PCDH15: variants seen among roughly 807,000 people sequenced by gnomAD.
PCDH15 encodes the protein protocadherin related 15, also known as protocadherin-15.
In PCDH15, 129 loss-of-function variants were observed where a neutral mutation model predicts 178.5. The observed-to-expected ratio is 0.72, with a 90% CI of 0.63 to 0.84. The LOEUF (loss-of-function observed/expected upper bound fraction) is 0.84. PCDH15 is among the 40% of genes least tolerant of loss of function. The pLI, the probability that PCDH15 is intolerant of heterozygous loss-of-function variation, is 0.00. For missense variants in PCDH15, 2,230 were observed against 2,099.9 expected, an observed-to-expected ratio of 1.06 and a Z score of -1.21; for synonymous variants, 800 against 732.0, an observed-to-expected ratio of 1.09 and a Z score of -1.50.
chr10:54,450,816 C>T (rs544866255), intron 3 of PCDH15, among the ~76,000 whole-genome samples: 1 of 151,834 alleles, frequency 6.6e-6, no homozygotes, highest in Non-Finnish European at 1.5e-5. Flanking sequence ...TACAAATGCT[C>T]TGTAAACAAA....
chr10:54,187,352 C>T (rs7914881), intron 11 of PCDH15, among the ~76,000 whole-genome samples: 108,984 of 151,760 alleles, frequency 0.72, 40,043 homozygotes, highest in East Asian at 0.98. Context: ...TCAAGTATTT[C>T]GATAATGCAA....
At chr10:55,407,347 A>G (rs1838223849) in intron 2 of PCDH15, among the ~76,000 whole-genome samples, 1 of 152,176 alleles carries the variant, frequency 6.6e-6, no homozygotes, top group African/African-American at 2.4e-5. Context: ...TGGTAGTGAC[A>G]GGGATAAAAA....
At chr10:54,498,390 T>TAC (rs1379213648) in intron 3 of PCDH15, among the ~76,000 whole-genome samples, 8 of 152,130 alleles carry the variant, frequency 5.3e-5, no homozygotes, top group African/African-American at 1.7e-4. Flanking sequence ...AAAGGAACTA[T>TAC]ACAATTCACT....
intron 7 of PCDH15, among the ~76,000 whole-genome samples, chr10:54,328,725 G>A (rs1256206127): frequency 1.3e-5 from 2 of 151,994 alleles, no homozygotes; most frequent in Middle Eastern, 3.4e-3. Context: ...CAGTTGTGAT[G>A]CTTATGGCCA....
At chr10:54,142,753 C>A (rs2043529166) in intron 14 of PCDH15, among the ~76,000 whole-genome samples, 1 of 151,766 alleles carries the variant, frequency 6.6e-6, no homozygotes, top group Non-Finnish European at 1.5e-5. Context: ...TACAAAGATA[C>A]AATTTTGTTT....
chr10:55,020,388 A>C (rs570555405), intron 2 of PCDH15, among the ~76,000 whole-genome samples: 106 of 152,070 alleles, frequency 7.0e-4, no homozygotes, highest in African/African-American at 2.4e-3. Context: ...GAATGCAAAA[A>C]AAAAAAGAAG....
intron 13 of PCDH15, among the ~76,000 whole-genome samples, chr10:54,161,387 C>T (rs1008214252): frequency 6.6e-6 from 1 of 152,074 alleles, no homozygotes; most frequent in African/African-American, 2.4e-5. Flanking sequence ...GGGGTGTCTA[C>T]AGCTGAAAAT....
chr10:55,119,495 T>C (rs1464071564), intron 2 of PCDH15, among the ~76,000 whole-genome samples: 1 of 122,612 alleles, frequency 8.2e-6, no homozygotes, highest in East Asian at 2.0e-4. Flanking sequence ...TTATCATTCA[T>C]ACAAAAAAAA....
chr10:54,776,512 T>G (rs1007643441), intron 1 of PCDH15, among the ~76,000 whole-genome samples: 1 of 152,088 alleles, frequency 6.6e-6, no homozygotes, highest in Non-Finnish European at 1.5e-5. Flanking sequence ...AGTTAAACAT[T>G]AGGGCAATGA....
At chr10:54,048,494 T>C (rs980569413) in intron 18 of PCDH15, among the ~76,000 whole-genome samples, 4 of 152,206 alleles carry the variant, frequency 2.6e-5, no homozygotes, top group Non-Finnish European at 5.9e-5. Flanking sequence ...TCCAGAATGA[T>C]ATTTCCTAGG....
chr10:54,528,321 G>A lies in PCDH15; in HGVS notation c.92-444C>T, dbSNP rs11004349. ...TAGAATTTTAATAATGTTCTAAAGA[G>A]AATAAAACAAAGACAGACAAGCAAT... On this transcript the variant is annotated intron_variant, in intron 2 of 37. Transcript: ENST00000644397. The A allele has an allele frequency of 0.097, 136,572 of 1,414,332 alleles. 9,280 individuals are homozygous for A. Among genetic ancestry groups the A allele is most frequent in the East Asian group, 0.33 (13,577 of 40,556 alleles). The allele number at this position is 1,414,332 out of a possible 1,614,324, so 87.6% of individuals were successfully genotyped here. A position where few individuals can be genotyped will look rare whatever the true frequency, so the allele number is the denominator to read the frequency against.
At chr10:55,079,324 T>A (rs959048318) in intron 2 of PCDH15, among the ~76,000 whole-genome samples, 3 of 152,192 alleles carry the variant, frequency 2.0e-5, no homozygotes, top group Admixed American at 6.5e-5. Context: ...CTGCATGCAT[T>A]CAGTAATGTA....
chr10:54,039,207 T>C (rs2093485373), intron 18 of PCDH15, among the ~76,000 whole-genome samples: 1 of 152,040 alleles, frequency 6.6e-6, no homozygotes, highest in Non-Finnish European at 1.5e-5. Context: ...ATTTAGAGTA[T>C]GAATGTGCCA....
chr10:55,334,240 ATATGTGTGTGTGTG>A (rs1320255349), intron 2 of PCDH15, among the ~76,000 whole-genome samples: 2 of 88,628 alleles, frequency 2.3e-5, no homozygotes, highest in Non-Finnish European at 4.1e-5. Context: ...ATATATATAT[ATATGTGTGTGTGTG>A]TGTGTGTGTG....
chr10:54,613,260 A>G (rs986781070), intron 2 of PCDH15, among the ~76,000 whole-genome samples: 6 of 151,856 alleles, frequency 4.0e-5, no homozygotes, highest in African/African-American at 1.4e-4. Flanking sequence ...TCTAAAATGA[A>G]GAGAAAGAAA....
chr10:54,282,723 A>G (rs1166975651), intron 8 of PCDH15, among the ~76,000 whole-genome samples: 1 of 152,102 alleles, frequency 6.6e-6, no homozygotes, highest in Non-Finnish European at 1.5e-5. Context: ...ATTCTAGATA[A>G]TTTTGACACT....
At chr10:53,989,037 G>A (rs2091294898) in intron 21 of PCDH15, among the ~76,000 whole-genome samples, 1 of 152,164 alleles carries the variant, frequency 6.6e-6, no homozygotes, top group Admixed American at 6.5e-5. Context: ...TACAGAAACA[G>A]CTGGATTGGT....
At chr10:54,057,200 G>A (rs1341172882) in intron 18 of PCDH15, among the ~76,000 whole-genome samples, 1 of 152,182 alleles carries the variant, frequency 6.6e-6, no homozygotes, top group African/African-American at 2.4e-5. Flanking sequence ...GGAGGACAGT[G>A]ACCCTCTTTT....
intron 2 of PCDH15, among the ~76,000 whole-genome samples, chr10:55,120,424 C>T (rs921489449): frequency 2.6e-5 from 4 of 151,732 alleles, no homozygotes; most frequent in Non-Finnish European, 5.9e-5. Context: ...AGGAAGAGTC[C>T]CAATTCCTTG....
Sources: gnomAD v4.1 joint callset for allele counts (sites outside exome capture counted in the v4.1 genomes callset) on GRCh38, gnomAD v4.1.1 for gene constraint, MANE v1.5 for transcripts, NCBI Gene and HGNC (gene_info 2026-07-23, HGNC 2026-07-21) for gene names.